The following PLAG1 variants were observed in gnomAD, a reference collection of about 807,000 sequenced individuals.
PLAG1 encodes the protein PLAG1 zinc finger.
In PLAG1, 7 loss-of-function variants were observed where a neutral mutation model predicts 35.5. The observed-to-expected ratio is 0.20, with a 90% CI of 0.11 to 0.37. The LOEUF (loss-of-function observed/expected upper bound fraction) is 0.37. Among genes scored for constraint, PLAG1 ranks in the 10% least tolerant of loss-of-function variants. The pLI is 1.00. For synonymous variants in PLAG1, 229 were observed against 225.4 expected (o/e 1.02, Z -0.14); for missense variants, 454 against 602.8 (o/e 0.75, Z 2.58).
intron 1 of PLAG1, chr8:56,209,146 A>C (rs972067054): frequency 6.6e-6 from 1 of 152,260 alleles, no homozygotes; most frequent in Non-Finnish European, 1.5e-5. Flanking sequence ...TTATGGGCAT[A>C]CACAGCTCTT....
In PLAG1 at chr8:56,161,063, G is replaced by A. The variant is rs1042216176; in HGVS notation, c.*5180C>T. 1.6e-5 allele frequency: 3 copies of A among 184,232 alleles called. No individual in the cohort carries two copies. The highest frequency in any genetic ancestry group is 8.9e-5 in the East Asian group (1 of 11,294). The allele number at this position is 184,232 out of a possible 1,614,324, so 11.4% of individuals were successfully genotyped here. ...AAATCTGGTATATGGACAATAAATA[G>A]TCTGCTTCTTTGGATGTGAATGTTT... On this transcript the variant is annotated 3_prime_UTR_variant, in exon 5 of 5. Transcript: ENST00000316981.
Position 56,167,532 on chromosome 8 carries a change from GTTA to G in PLAG1, c.243-32_243-30del. ...TAAACACAGATATAATCTATAAGTA[GTTA>G]TTATGACAAAAATGGCATGTATTCA... On this transcript the variant is annotated intron_variant, in intron 4 of 4. Coordinates refer to ENST00000316981, the MANE Select transcript of PLAG1 (RefSeq NM_002655.3). This position sits in a 1 kb window ranked among gnomAD's most constrained non-coding sequence, Gnocchi z 5.9. 3.4e-6 allele frequency: 5 copies of G among 1,451,744 alleles called. No homozygotes were observed. The highest frequency in any genetic ancestry group is 4.7e-6 in the Non-Finnish European group (5 of 1,059,228). The allele number at this position is 1,451,744 out of a possible 1,614,324, so 89.9% of individuals were successfully genotyped here. A position where few individuals can be genotyped will look rare whatever the true frequency, so the allele number is the denominator to read the frequency against.
rs1585776318 is a variant in PLAG1 at position 56,167,626 on chromosome 8, C to T, written c.243-123G>A. Reference sequence around the variant, plus strand: ...TCCCTTAGTAATGGAAACTGTTTAACTTAATATATACCACGAGGATAGTTA... The same window carrying T: ...TCCCTTAGTAATGGAAACTGTTTAATTTAATATATACCACGAGGATAGTTA... On this transcript the variant is annotated intron_variant, in intron 4 of 4. Transcript: ENST00000316981. The surrounding 1 kb of genome is among the most constrained non-coding windows in gnomAD (Gnocchi z 5.9). 1.5e-6 allele frequency: 1 copy of T among 656,034 alleles called. No homozygotes were observed. Among genetic ancestry groups the T allele is most frequent in the East Asian group, 2.7e-5 (1 of 36,726 alleles). The allele number at this position is 656,034 out of a possible 1,614,324, so 40.6% of individuals were successfully genotyped here.
At position 56,166,772 on chromosome 8, in the gene PLAG1, T is replaced by C; in HGVS notation, c.974A>G (p.His325Arg). 6.2e-7 allele frequency: 1 copy of C among 1,614,130 alleles called. No individual in the cohort carries two copies. The highest frequency in any genetic ancestry group is 8.5e-7 in the Non-Finnish European group (1 of 1,179,986). The change falls in exon 5 of 5, where the codon CAT (histidine) becomes CGT (arginine). Residue 325 changes from histidine (H) to arginine (R), a missense_variant. This residue lies in a region of PLAG1 where 271 missense variants were observed against 315.6 expected (regional missense o/e 0.86). Coordinates refer to ENST00000316981, the MANE Select transcript of PLAG1 (RefSeq NM_002655.3). Reference sequence around the variant, plus strand: ...TTTGAAAGAAAGGTGGTGAGAGGGATGAACAGTGTCCATATCTATTGGGCA... The same window carrying C: ...TTTGAAAGAAAGGTGGTGAGAGGGACGAACAGTGTCCATATCTATTGGGCA... ...MTCPIDMDTV[H>R]PSHHLSFKYP...
At chr8:56,179,941 C>A (rs1191008626) in intron 1 of PLAG1, among the ~76,000 whole-genome samples, 5 of 152,032 alleles carry the variant, frequency 3.3e-5, no homozygotes, top group Non-Finnish European at 7.4e-5. Context: ...CAGTCAGAGA[C>A]CAGGCCACCT....
Position 56,167,392 on chromosome 8 carries a change from T to C in PLAG1, c.354A>G (p.Lys118=). 1 of 1,613,942 alleles carries C rather than the reference T, an allele frequency of 6.2e-7. No individual in the cohort carries two copies. Among genetic ancestry groups the C allele is most frequent in the Non-Finnish European group, 8.5e-7 (1 of 1,179,908 alleles). The change falls in exon 5 of 5, where the codon AAA becomes AAG. Residue 118 remains lysine (K), a synonymous_variant. Coordinates refer to ENST00000316981, the MANE Select transcript of PLAG1 (RefSeq NM_002655.3). The surrounding 1 kb of genome is among the most constrained non-coding windows in gnomAD (Gnocchi z 5.9). ...KNHLHTHDPN[K]ETFKCEECGK... ...CACATTCTTCGCACTTAAACGTCTC[T>C]TTGTTAGGGTCGTGTGTATGGAGGT...
In PLAG1 at chr8:56,167,313, C is replaced by G; in HGVS notation, c.433G>C (p.Ala145Pro). 1 of 1,613,922 alleles carries G rather than the reference C, an allele frequency of 6.2e-7. No homozygotes were observed. Residue 145 changes from alanine (A) to proline (P), a missense_variant, in exon 5 of 5, where the codon GCA (alanine) becomes CCA (proline). Physicochemically the swap from Ala to Pro is conservative, Grantham distance 27. Transcript: ENST00000316981. This position sits in a 1 kb window ranked among gnomAD's most constrained non-coding sequence, Gnocchi z 5.9. Reference protein sequence around the residue: ...GFKRHLALHAATSGDLTCKVC... With the variant: ...GFKRHLALHAPTSGDLTCKVC... The stretch of plus-strand genomic sequence containing the variant: ...TTACAGGTGAGGTCACCACTTGTTG[C>G]GGCATGCAAGGCCAAGTGACGTTTA...
At chr8:56,188,890 T>C (rs1224170924) in intron 1 of PLAG1, among the ~76,000 whole-genome samples, 1 of 152,160 alleles carries the variant, frequency 6.6e-6, no homozygotes. Context: ...GGGGATAATA[T>C]AAAACTATGG....
At chr8:56,200,556 T>G (rs1257442946) in intron 1 of PLAG1, among the ~76,000 whole-genome samples, 1 of 152,212 alleles carries the variant, frequency 6.6e-6, no homozygotes, top group Non-Finnish European at 1.5e-5. Flanking sequence ...AAAGCTACAA[T>G]GCCTTCCGCA....
At chr8:56,193,632 C>CGAGACT in intron 1 of PLAG1, among the ~76,000 whole-genome samples, 1 of 151,802 alleles carries the variant, frequency 6.6e-6, no homozygotes. Flanking sequence ...TCTAAGCATT[C>CGAGACT]GAGACTGATG....
At chr8:56,200,816 T>C (rs1288827602) in intron 1 of PLAG1, among the ~76,000 whole-genome samples, 1 of 152,156 alleles carries the variant, frequency 6.6e-6, no homozygotes, top group Non-Finnish European at 1.5e-5. Flanking sequence ...CTTGAGCACC[T>C]ATAGTTTTTA....
rs1442779392 is a variant in PLAG1, at chr8:56,166,172, A to C, written c.*71T>G. 1 of 1,074,056 alleles carries C rather than the reference A, an allele frequency of 9.3e-7. No individual in the cohort carries two copies. Among genetic ancestry groups the C allele is most frequent in the Non-Finnish European group, 1.3e-6 (1 of 744,418 alleles). The allele number at this position is 1,074,056 out of a possible 1,614,324, so 66.5% of individuals were successfully genotyped here. A position where few individuals can be genotyped will look rare whatever the true frequency, so the allele number is the denominator to read the frequency against. On this transcript the variant is annotated 3_prime_UTR_variant, in exon 5 of 5. Coordinates refer to ENST00000316981, the MANE Select transcript of PLAG1 (RefSeq NM_002655.3). ...ATTTTTATACTGTTTTAAAGTAGGC[A>C]CTAAAATAAAAATGGTCATCTAGGG...
In PLAG1 at chr8:56,166,682, T is replaced by C; in HGVS notation, c.1064A>G (p.Glu355Gly). ...TAACTCCATCAGGTAACTCTCAATTTCCCCCTTTAATGGCTGTTCTTTTTC... is the reference window on the plus strand; with the variant it reads ...TAACTCCATCAGGTAACTCTCAATTCCCCCCTTTAATGGCTGTTCTTTTTC... ...IPEKEQPLKG[E>G]IESYLMELQG... The change falls in exon 5 of 5, where the codon GAA becomes GGA. Residue 355 changes from glutamate to glycine, a missense_variant. Coordinates refer to ENST00000316981, the MANE Select transcript of PLAG1 (RefSeq NM_002655.3). The C allele has an allele frequency of 1.9e-6, 3 of 1,613,984 alleles. No individual in the cohort carries two copies. The highest frequency in any genetic ancestry group is 2.5e-6 in the Non-Finnish European group (3 of 1,179,952).
intron 3 of PLAG1, among the ~76,000 whole-genome samples, chr8:56,170,228 A>G (rs1811486175): frequency 6.6e-6 from 1 of 152,200 alleles, no homozygotes; most frequent in Non-Finnish European, 1.5e-5. Flanking sequence ...TGCTATTCAA[A>G]CGGTCTAAAA....
chr8:56,189,333 C>T (rs1812113880), intron 1 of PLAG1, among the ~76,000 whole-genome samples: 2 of 152,202 alleles, frequency 1.3e-5, no homozygotes, highest in African/African-American at 2.4e-5. Context: ...TGACTTGGCC[C>T]ACCCTCTACA....
chr8:56,195,363 G>C (rs1812328871), intron 1 of PLAG1, among the ~76,000 whole-genome samples: 1 of 152,144 alleles, frequency 6.6e-6, no homozygotes, highest in Non-Finnish European at 1.5e-5. Flanking sequence ...CTATGTGTAG[G>C]TGCCCTGAAC....
intron 1 of PLAG1, among the ~76,000 whole-genome samples, chr8:56,203,166 G>C (rs1188270452): frequency 6.6e-6 from 1 of 151,984 alleles, no homozygotes; most frequent in Non-Finnish European, 1.5e-5. Context: ...TAGCTGCTTA[G>C]GAACGTCTAC....
chr8:56,200,383 A>T (rs151287636), intron 1 of PLAG1, among the ~76,000 whole-genome samples: 290 of 152,336 alleles, frequency 1.9e-3, no homozygotes, highest in Non-Finnish European at 3.4e-3. Context: ...TTGCTAGCAG[A>T]ATGGACCTAG....
At chr8:56,207,130 G>C (rs1413613305) in intron 1 of PLAG1, among the ~76,000 whole-genome samples, 1 of 151,624 alleles carries the variant, frequency 6.6e-6, no homozygotes, top group Non-Finnish European at 1.5e-5. Context: ...CCAAAGAACA[G>C]GATTCTAAAG....
Sources: gnomAD v4.1 joint callset for allele counts (sites outside exome capture counted in the v4.1 genomes callset) on GRCh38, gnomAD v4.1.1 for gene constraint, gnomAD v4.1.1 regional missense constraint, Gnocchi (gnomAD v3.1) non-coding constraint, MANE v1.5 for transcripts, NCBI Gene and HGNC (gene_info 2026-07-23, HGNC 2026-07-21) for gene names.